The following GPC1 variants were observed in gnomAD, a reference collection of about 807,000 sequenced individuals.
GPC1 encodes the protein glypican-1.
GPC1 carries 26 observed loss-of-function variants against 51.5 expected under a neutral mutation model. That is an observed-to-expected ratio of 0.50 (90% confidence interval 0.37 to 0.70). GPC1 has a LOEUF of 0.70. GPC1 is among the 30% of genes least tolerant of loss of function. The pLI is 0.00. For synonymous variants in GPC1, 380 were observed against 348.3 expected (o/e 1.09, Z -1.01); for missense variants, 775 against 800.5 (o/e 0.97, Z 0.38).
chr2:240,460,504 CTAA>C (rs1420019812), intron 2 of GPC1, among the ~76,000 whole-genome samples: 1 of 152,180 alleles, frequency 6.6e-6, no homozygotes, highest in Admixed American at 6.5e-5. Flanking sequence ...CCCTCTCCTG[CTAA>C]TACCCTTGCC....
chr2:240,440,283 ACTGT>A (rs892685497), intron 1 of GPC1, among the ~76,000 whole-genome samples: 4 of 152,196 alleles, frequency 2.6e-5, no homozygotes, highest in Non-Finnish European at 4.4e-5. Context: ...GTTTCCCATG[ACTGT>A]CTGGTTAACA....
chr2:240,456,103 C>G, intron 1 of GPC1: 1 of 290,520 alleles, frequency 3.4e-6, no homozygotes, highest in Non-Finnish European at 7.0e-6. Context: ...ACGCAGGTCG[C>G]CGGGCCGGCT....
intron 2 of GPC1, among the ~76,000 whole-genome samples, 173 bp from the exon 3 acceptor site, chr2:240,462,018 G>A (rs1283695797): frequency 2.0e-5 from 3 of 152,026 alleles, no homozygotes; most frequent in Non-Finnish European, 4.4e-5. Flanking sequence ...GTGAGGTCTC[G>A]GGGCGCCCCA....
In GPC1 at chr2:240,436,023, C is replaced by G; in HGVS notation, c.105C>G (p.Val35=). The G allele has an allele frequency of 7.2e-7, 1 of 1,386,878 alleles. No homozygotes were observed. The highest frequency in any genetic ancestry group is 9.4e-7 in the Non-Finnish European group (1 of 1,067,446). The allele number at this position is 1,386,878 out of a possible 1,614,324, so 85.9% of individuals were successfully genotyped here. ...PASKSRSCGE[V]RQIYGAKGFS... ...GCAAGAGCCGGAGCTGCGGCGAGGT[C>G]CGCCAGATCTACGGAGCCAAGGGCT... Residue 35 remains valine (V), a synonymous_variant, in exon 1 of 9, where the codon GTC becomes GTG. Transcript: ENST00000264039.
intron 1 of GPC1, among the ~76,000 whole-genome samples, chr2:240,453,996 G>T (rs1392985446): frequency 6.6e-6 from 1 of 152,190 alleles, no homozygotes; most frequent in African/African-American, 2.4e-5. Context: ...GGGTCGCAGT[G>T]CGCGGCGGAG....
chr2:240,438,893 C>T (rs1189122386), intron 1 of GPC1, among the ~76,000 whole-genome samples: 1 of 152,162 alleles, frequency 6.6e-6, no homozygotes, highest in Admixed American at 6.5e-5. Context: ...CAGCAGGGCA[C>T]CCGGCCACCC....
Position 240,462,685 on chromosome 2 carries a change from C to T in GPC1, c.717+103C>T, listed in dbSNP as rs1026169679. 40 of 1,085,356 alleles carry T rather than the reference C, an allele frequency of 3.7e-5. No homozygotes were observed. In the African/African-American group the frequency reaches 4.3e-4, roughly 12 times the overall value. 67.2% of individuals were successfully genotyped at this position (1,085,356 alleles called of 1,614,324 possible). A position where few individuals can be genotyped will look rare whatever the true frequency, so the allele number is the denominator to read the frequency against. ...ACTTTAACCCTGTGCCCCTGGGCCT[C>T]TGGGCCAGCCTCTGACCTCAGCCCC... On this transcript the variant is annotated intron_variant, in intron 3 of 8. Coordinates refer to ENST00000264039, the MANE Select transcript of GPC1 (RefSeq NM_002081.3).
chr2:240,465,672 G>A (rs200233548), intron 8 of GPC1, 24 bp downstream of exon 8: 70 of 1,606,214 alleles, frequency 4.4e-5, no homozygotes, highest in South Asian at 1.7e-4. Flanking sequence ...CTGGCCGGGC[G>A]GCCAAGGGGC....
intron 1 of GPC1, among the ~76,000 whole-genome samples, chr2:240,445,339 G>A (rs2074042395): frequency 6.6e-6 from 1 of 152,306 alleles, no homozygotes; most frequent in Non-Finnish European, 1.5e-5. Flanking sequence ...CTGGGCACTT[G>A]TGACATCCCA....
intron 1 of GPC1, among the ~76,000 whole-genome samples, chr2:240,447,109 G>A (rs2074055458): frequency 6.6e-6 from 1 of 152,132 alleles, no homozygotes; most frequent in Admixed American, 6.5e-5. Flanking sequence ...GGCAGTGAGT[G>A]GGCCAGGCAG....
Position 240,464,983 on chromosome 2 carries a change from G to T in GPC1, c.1134+8G>T. The T allele has an allele frequency of 1.3e-6, 2 of 1,558,250 alleles. No individual in the cohort carries two copies. Among genetic ancestry groups the T allele is most frequent in the South Asian group, 2.4e-5 (2 of 84,722 alleles). ...GGCACGCTGGAGAAGCTGGTGAGTG[G>T]CCCCTGCGTGTCCACTGGACCAGGC... On this transcript the variant is annotated splice_region_variant and intron_variant, in intron 6 of 8. Coordinates refer to ENST00000264039, the MANE Select transcript of GPC1 (RefSeq NM_002081.3).
At chr2:240,455,933 T>C in intron 1 of GPC1, 1 of 357,124 alleles carries the variant, frequency 2.8e-6, no homozygotes, top group Admixed American at 3.7e-5. Flanking sequence ...GGGGGCCGCC[T>C]CGATCCAGCC....
Position 240,466,161 on chromosome 2 carries a change from T to G in GPC1, c.1548T>G (p.His516Gln), listed in dbSNP as rs772413143. Residue 516 changes from histidine (H) to glutamine (Q), a missense_variant, in exon 9 of 9, where the codon CAT becomes CAG. By Grantham distance (24) the His-to-Gln change is conservative. Transcript: ENST00000264039. ...KSSSSRTPLT[H>Q]ALPGLSEQEG... ...CCAGCTCCCGGACGCCCTTGACCCA[T>G]GCCCTCCCAGGCCTGTCAGAGCAGG... The G allele has an allele frequency of 6.2e-7, 1 of 1,612,854 alleles. No homozygotes were observed. The highest frequency in any genetic ancestry group is 1.1e-5 in the South Asian group (1 of 91,066).
intron 1 of GPC1, among the ~76,000 whole-genome samples, chr2:240,456,270 C>T (rs954626780): frequency 2.6e-5 from 4 of 151,990 alleles, no homozygotes; most frequent in South Asian, 4.1e-4. Context: ...ACGGGTGTTT[C>T]GGGCCTCACC....
Position 240,448,507 on chromosome 2 carries a change from C to T in GPC1, c.167-10523C>T, listed in dbSNP as rs1315058052. Among the ~76,000 whole-genome samples, 1 of 151,600 alleles carries T rather than the reference C, an allele frequency of 6.6e-6. No individual in the cohort carries two copies. Among genetic ancestry groups the T allele is most frequent in the African/African-American group, 2.4e-5 (1 of 41,364 alleles). ...ACTCCAGGTGCCTGGGGGTGGAACTCTGAGCCTCCGGCTCTCCTCCGGCAG... is the reference window on the plus strand; with the variant it reads ...ACTCCAGGTGCCTGGGGGTGGAACTTTGAGCCTCCGGCTCTCCTCCGGCAG... On this transcript the variant is annotated intron_variant, in intron 1 of 8. Coordinates refer to ENST00000264039, the MANE Select transcript of GPC1 (RefSeq NM_002081.3). This position sits in a 1 kb window ranked among gnomAD's most constrained non-coding sequence, Gnocchi z 4.5.
chr2:240,447,174 A>G (rs2074055834), intron 1 of GPC1, among the ~76,000 whole-genome samples: 3 of 152,132 alleles, frequency 2.0e-5, no homozygotes, highest in South Asian at 4.1e-4. Flanking sequence ...GCTGGACCCC[A>G]GAGCCAGGAG....
chr2:240,437,392 C>T (rs574216514), intron 1 of GPC1, among the ~76,000 whole-genome samples: 2 of 152,016 alleles, frequency 1.3e-5, no homozygotes, highest in East Asian at 1.9e-4. Context: ...GCCCCCTGAC[C>T]GCCCCCCACA....
chr2:240,444,529 T>C (rs1164883039), intron 1 of GPC1, among the ~76,000 whole-genome samples: 1 of 152,160 alleles, frequency 6.6e-6, no homozygotes, highest in Non-Finnish European at 1.5e-5. Flanking sequence ...AGCCAAGCCT[T>C]AGGCCCATGC....
intron 1 of GPC1, among the ~76,000 whole-genome samples, chr2:240,456,383 A>G (rs1050521461): frequency 1.3e-5 from 2 of 150,942 alleles, no homozygotes; most frequent in Non-Finnish European, 3.0e-5. Flanking sequence ...CCGGCGGGGG[A>G]CGCCACCCAC....
Sources: allele counts gnomAD v4.1 joint callset (sites outside exome capture counted in the v4.1 genomes callset), GRCh38; gene constraint gnomAD v4.1.1; non-coding constraint Gnocchi (gnomAD v3.1); transcripts MANE v1.5; gene names NCBI Gene and HGNC (gene_info 2026-07-23, HGNC 2026-07-21).